GPC6: variants seen among roughly 807,000 people sequenced by gnomAD.
GPC6 encodes the protein glypican 6.
A neutral mutation model predicts 55.2 loss-of-function variants in GPC6; 14 were observed. That is an observed-to-expected ratio of 0.25 (90% CI 0.17 to 0.40). The LOEUF (loss-of-function observed/expected upper bound fraction) is 0.40, where lower values mean the gene tolerates loss of function less well. Ranked by LOEUF, GPC6 falls within the 10% of genes least tolerant of loss-of-function variation. The probability of loss-of-function intolerance (pLI) is 1.00; values close to 1 mark genes in which losing one functional copy is unlikely to be tolerated. For synonymous variants in GPC6, 278 were observed against 259.6 expected (o/e 1.07, Z -0.68); for missense variants, 641 against 708.5 (o/e 0.90, Z 1.08).
intron 2 of GPC6, among the ~76,000 whole-genome samples, chr13:93,567,861 G>C (rs1169660143): frequency 6.6e-6 from 1 of 152,096 alleles, no homozygotes; most frequent in East Asian, 1.9e-4. Context: ...AGAAATTAGT[G>C]GTTCAGCTGG....
intron 2 of GPC6, among the ~76,000 whole-genome samples, chr13:93,555,683 G>A (rs1875423888): frequency 6.6e-6 from 1 of 152,098 alleles, no homozygotes; most frequent in Non-Finnish European, 1.5e-5. Context: ...GGATAAACGT[G>A]TTTTTCTCCA....
In GPC6 at chr13:94,180,636, T is replaced by C. The variant is rs1250434629; in HGVS notation, c.878-105713T>C. On this transcript the variant is annotated intron_variant, in intron 4 of 8. Coordinates refer to ENST00000377047, the MANE Select transcript of GPC6 (RefSeq NM_005708.5). ...CCTTCTTCTCCCTTAGCAATCAATG[T>C]TTATTTGTCCTTAGCAATTTTCTTT... Among the ~76,000 whole-genome samples the C allele has an allele frequency of 2.4e-4, 36 of 152,154 alleles. 1 individual carries two copies. The highest frequency in any genetic ancestry group is 2.2e-3 in the Admixed American group (33 of 15,268).
intron 2 of GPC6, among the ~76,000 whole-genome samples, chr13:93,811,554 C>T (rs145384199): frequency 4.0e-5 from 6 of 150,810 alleles, no homozygotes; most frequent in African/African-American, 1.2e-4. Context: ...GCTTGGCTTA[C>T]GTAGACATTC....
At chr13:93,348,387 T>G (rs1279187635) in intron 1 of GPC6, among the ~76,000 whole-genome samples, 1 of 152,240 alleles carries the variant, frequency 6.6e-6, no homozygotes, top group Non-Finnish European at 1.5e-5. Flanking sequence ...CCTTTGCAAT[T>G]ACATAATCAT....
intron 4 of GPC6, among the ~76,000 whole-genome samples, chr13:94,231,219 C>G (rs753069216): frequency 3.3e-5 from 5 of 152,128 alleles, no homozygotes; most frequent in Non-Finnish European, 5.9e-5. Flanking sequence ...ACCCAACAGA[C>G]AATCTCAGGG....
chr13:93,688,808 A>C (rs567900866), intron 2 of GPC6, among the ~76,000 whole-genome samples: 2 of 152,168 alleles, frequency 1.3e-5, no homozygotes, highest in East Asian at 3.9e-4. Context: ...ACACAGTTTC[A>C]GTTTGGGAAG....
intron 4 of GPC6, among the ~76,000 whole-genome samples, chr13:94,210,157 A>AT (rs11324733): frequency 0.12 from 16,290 of 137,656 alleles, 1,057 homozygotes; most frequent in East Asian, 0.21. Context: ...TGTATGTTTA[A>AT]TTTTTTTTTT....
chr13:93,290,691 A>G (rs1878290201), intron 1 of GPC6, among the ~76,000 whole-genome samples: 1 of 152,142 alleles, frequency 6.6e-6, no homozygotes, highest in Non-Finnish European at 1.5e-5. Flanking sequence ...ACTGCTGTGA[A>G]AATTAGTATA....
intron 4 of GPC6, among the ~76,000 whole-genome samples, chr13:94,069,284 G>A (rs1326445637): frequency 1.3e-5 from 2 of 152,178 alleles, no homozygotes; most frequent in African/African-American, 4.8e-5. Context: ...GGCTGGTGCA[G>A]CTGGGACACA....
intron 4 of GPC6, among the ~76,000 whole-genome samples, chr13:94,045,395 C>T (rs972574542): frequency 1.3e-5 from 2 of 151,860 alleles, no homozygotes; most frequent in Non-Finnish European, 1.5e-5. Context: ...TAAAACCATA[C>T]TTTTTTTTAT....
At chr13:94,022,460 T>TA (rs1436433521) in intron 3 of GPC6, among the ~76,000 whole-genome samples, 2 of 152,056 alleles carry the variant, frequency 1.3e-5, no homozygotes, top group Non-Finnish European at 2.9e-5. Flanking sequence ...TGTGCATATA[T>TA]ACCAACTTCT....
chr13:93,681,054 T>C (rs1881828702), intron 2 of GPC6, among the ~76,000 whole-genome samples: 1 of 152,210 alleles, frequency 6.6e-6, no homozygotes. Context: ...CTGTGTCTTA[T>C]GTCCACATTA....
chr13:94,127,431 G>A (rs1042592455), intron 4 of GPC6, among the ~76,000 whole-genome samples: 1 of 152,028 alleles, frequency 6.6e-6, no homozygotes, highest in Admixed American at 6.6e-5. Context: ...TGATGTGCCA[G>A]CTCCGCCTTT....
At chr13:93,560,111 A>G (rs1268938333) in intron 2 of GPC6, among the ~76,000 whole-genome samples, 1 of 152,152 alleles carries the variant, frequency 6.6e-6, no homozygotes, top group African/African-American at 2.4e-5. Context: ...AGGTCTCTTT[A>G]TTGGATTAAT....
intron 4 of GPC6, among the ~76,000 whole-genome samples, chr13:94,198,768 G>T (rs959567120): frequency 2.0e-5 from 3 of 152,174 alleles, no homozygotes; most frequent in African/African-American, 7.2e-5. Flanking sequence ...AGATTTCACT[G>T]CTCTGACAAG....
intron 4 of GPC6, among the ~76,000 whole-genome samples, chr13:94,073,206 A>G (rs1566367999): frequency 6.6e-6 from 1 of 152,142 alleles, no homozygotes; most frequent in Non-Finnish European, 1.5e-5. Flanking sequence ...ATTCTGAAGT[A>G]AAGCAGTGGT....
Position 93,995,558 on chromosome 13 carries a change from G to A in GPC6, c.712-32171G>A, listed in dbSNP as rs78406077. ...TCAGATCATCTGACCTTTCCCATAC[G>A]TGTAATATGGTTAACCTGGTATATG... On this transcript the variant is annotated intron_variant, in intron 3 of 8. Coordinates refer to ENST00000377047, the MANE Select transcript of GPC6 (RefSeq NM_005708.5). 2.4e-3 allele frequency among the ~76,000 whole-genome samples: 360 copies of A among 152,082 alleles called. 7 individuals carry two copies. The East Asian group carries it at 0.067, about 28-fold the overall frequency.
At chr13:93,891,265 G>A (rs1875664238) in intron 3 of GPC6, among the ~76,000 whole-genome samples, 1 of 152,100 alleles carries the variant, frequency 6.6e-6, no homozygotes, top group African/African-American at 2.4e-5. Context: ...ATTATGTTTA[G>A]TAGTGTTTTA....
chr13:93,529,242 G>A (rs896144344), intron 1 of GPC6, among the ~76,000 whole-genome samples: 12 of 152,072 alleles, frequency 7.9e-5, no homozygotes, highest in African/African-American at 2.9e-4. Flanking sequence ...GTTGAGCTGG[G>A]GTGAAGTGAA....
Sources: allele counts gnomAD v4.1 joint callset (sites outside exome capture counted in the v4.1 genomes callset), GRCh38; gene constraint gnomAD v4.1.1; transcripts MANE v1.5; gene names NCBI Gene and HGNC (gene_info 2026-07-23, HGNC 2026-07-21).